SP140L: variants seen among roughly 807,000 people sequenced by gnomAD.
The protein encoded by SP140L is nuclear body protein SP140-like protein.
SP140L carries 64 observed loss-of-function variants against 84.3 expected under a neutral mutation model. That is an observed-to-expected ratio of 0.76 (90% CI 0.62 to 0.94). SP140L has a LOEUF of 0.94. Ranked by LOEUF, SP140L falls within the 40% of genes least tolerant of loss-of-function variation. SP140L has a pLI of 0.00. For missense variants in SP140L, 628 were observed against 692.5 expected (o/e 0.91, Z 1.05); for synonymous variants, 242 against 236.9 (o/e 1.02, Z -0.20).
At chr2:230,333,180 G>A (rs1337740450) in intron 2 of SP140L, among the ~76,000 whole-genome samples, 3 of 120,292 alleles carry the variant, frequency 2.5e-5, no homozygotes, top group Non-Finnish European at 5.3e-5. Context: ...TTTTTTTTTT[G>A]ATGGAGTCTC....
intron 7 of SP140L, among the ~76,000 whole-genome samples, chr2:230,378,939 A>G (rs2061327649): frequency 6.6e-6 from 1 of 152,214 alleles, no homozygotes; most frequent in African/African-American, 2.4e-5. Context: ...TTTTCTTTAA[A>G]TATGTTGAGA....
intron 7 of SP140L, among the ~76,000 whole-genome samples, chr2:230,380,213 A>G (rs1033109332): frequency 1.3e-5 from 2 of 152,172 alleles, no homozygotes; most frequent in Non-Finnish European, 2.9e-5. Flanking sequence ...TTATAAAACC[A>G]TCAGATCTCG....
rs150039053 is a variant in SP140L at position 230,392,028 on chromosome 2, C to T, written c.965-59C>T. On this transcript the variant is annotated intron_variant, in intron 11 of 18. Transcript: ENST00000415673. ...GCTCTAGATCCAATGTGGTGAGTGG[C>T]CACAGTCTGAGCGCTGGGAACAAAG... The T allele has an allele frequency of 2.5e-5, 40 of 1,604,524 alleles. 1 individual carries two copies. The African/African-American group carries it at 4.5e-4, about 18-fold the overall frequency.
At chr2:230,365,218 A>C (rs1296569060) in intron 5 of SP140L, among the ~76,000 whole-genome samples, 1 of 152,100 alleles carries the variant, frequency 6.6e-6, no homozygotes, top group African/African-American at 2.4e-5. Context: ...GACGAGTTTG[A>C]AAAGTATCAG....
chr2:230,361,329 A>C (rs2060710309), intron 4 of SP140L, among the ~76,000 whole-genome samples: 1 of 152,128 alleles, frequency 6.6e-6, no homozygotes, highest in Non-Finnish European at 1.5e-5. Context: ...CTTCCTTAAC[A>C]CTTGATGTAT....
chr2:230,394,631 T>C (rs977560369), intron 13 of SP140L, among the ~76,000 whole-genome samples: 2 of 152,130 alleles, frequency 1.3e-5, no homozygotes, highest in Non-Finnish European at 2.9e-5. Context: ...GCTGGCAATT[T>C]CCAACCAACC....
chr2:230,347,345 T>G (rs1431798244), intron 2 of SP140L, among the ~76,000 whole-genome samples: 1 of 152,184 alleles, frequency 6.6e-6, no homozygotes, highest in African/African-American at 2.4e-5. Flanking sequence ...AGTCACTGTC[T>G]GGGTTCTCTT....
intron 2 of SP140L, among the ~76,000 whole-genome samples, chr2:230,337,335 C>A (rs151087816): frequency 6.6e-6 from 1 of 151,994 alleles, no homozygotes; most frequent in South Asian, 2.1e-4. Flanking sequence ...ACTTTTTGAT[C>A]GGGTTGTTTG....
chr2:230,367,823 T>C (rs953152000), intron 5 of SP140L, among the ~76,000 whole-genome samples: 2 of 150,318 alleles, frequency 1.3e-5, no homozygotes, highest in Non-Finnish European at 2.9e-5. Context: ...CCCCAGCTAC[T>C]GGGAAGGCTG....
At chr2:230,344,020 G>A (rs1049439440) in intron 2 of SP140L, among the ~76,000 whole-genome samples, 1 of 152,144 alleles carries the variant, frequency 6.6e-6, no homozygotes, top group African/African-American at 2.4e-5. Context: ...GGAGAGTTCT[G>A]TAGATATCTA....
intron 2 of SP140L, among the ~76,000 whole-genome samples, chr2:230,354,845 AAAGGAAAGAAAGAAAG>A (rs2060473061): frequency 8.8e-6 from 1 of 113,988 alleles, no homozygotes; most frequent in Non-Finnish European, 1.8e-5. Context: ...AGAAAGAAAG[AAAGGAAAGAAAGAAAG>A]AAAGAAAGAA....
rs2062425561 is a variant in SP140L at position 230,403,036 on chromosome 2, C to G, written c.*140C>G. 1.6e-6 allele frequency: 1 copy of G among 634,908 alleles called. No homozygotes were observed. The highest frequency in any genetic ancestry group is 2.9e-5 in the East Asian group (1 of 34,068). 39.3% of individuals were successfully genotyped at this position (634,908 alleles called of 1,614,324 possible). On this transcript the variant is annotated 3_prime_UTR_variant, in exon 19 of 19. Transcript: ENST00000415673. ...CCTCATCTGCCCAAAAACAAATCCTCAAAAGAAATTTGATCATCATGAATC... is the reference window on the plus strand; with the variant it reads ...CCTCATCTGCCCAAAAACAAATCCTGAAAAGAAATTTGATCATCATGAATC...
intron 2 of SP140L, among the ~76,000 whole-genome samples, chr2:230,349,793 G>A (rs952025647): frequency 1.3e-5 from 2 of 152,084 alleles, no homozygotes; most frequent in African/African-American, 4.8e-5. Context: ...CAGATCACTC[G>A]AGGTCAGGAG....
At chr2:230,365,930 A>C (rs1283440380) in intron 5 of SP140L, among the ~76,000 whole-genome samples, 3 of 152,122 alleles carry the variant, frequency 2.0e-5, no homozygotes, top group Admixed American at 2.0e-4. Flanking sequence ...TATTTACAAA[A>C]TTAAAAAACT....
intron 15 of SP140L, 84 bp downstream of exon 15, chr2:230,400,326 G>A: frequency 1.5e-6 from 2 of 1,373,516 alleles, no homozygotes; most frequent in Non-Finnish European, 2.0e-6. Flanking sequence ...ATGTCTGCTT[G>A]TGTCTAGATG....
chr2:230,340,420 ACT>A (rs2060005661), intron 2 of SP140L, among the ~76,000 whole-genome samples: 1 of 148,740 alleles, frequency 6.7e-6, no homozygotes, highest in Non-Finnish European at 1.5e-5. Context: ...AATACAGCAC[ACT>A]GATGGGTCTT....
chr2:230,346,586 T>C (rs1233490192), intron 2 of SP140L, among the ~76,000 whole-genome samples: 1 of 152,168 alleles, frequency 6.6e-6, no homozygotes, highest in Non-Finnish European at 1.5e-5. Context: ...TTCTTTGTTC[T>C]TTTTGCTCCT....
chr2:230,349,384 T>C (rs1162498758), intron 2 of SP140L, among the ~76,000 whole-genome samples: 1 of 152,210 alleles, frequency 6.6e-6, no homozygotes, highest in Admixed American at 6.5e-5. Context: ...AGGATTAGCT[T>C]CTCAATTTCT....
rs561365308 is a variant in SP140L, at chr2:230,383,851, TA to T, written c.703+278del. Reference sequence around the variant, plus strand: ...CTTCAGTAGCTCAAGAAATTTTTATTAATTTGGAAAAATGTTCTTAAGAGGG... The same window carrying T: ...CTTCAGTAGCTCAAGAAATTTTTATTATTTGGAAAAATGTTCTTAAGAGGG... On this transcript the variant is annotated intron_variant, in intron 8 of 18. Transcript: ENST00000415673. 6.1e-3 allele frequency among the ~76,000 whole-genome samples: 931 copies of T among 152,302 alleles called. 7 individuals carry two copies. Among genetic ancestry groups the T allele is most frequent in the African/African-American group, 0.02 (837 of 41,548 alleles).
Sources: gnomAD v4.1 joint callset for allele counts (sites outside exome capture counted in the v4.1 genomes callset) on GRCh38, gnomAD v4.1.1 for gene constraint, MANE v1.5 for transcripts, NCBI Gene and HGNC (gene_info 2026-07-23, HGNC 2026-07-21) for gene names.